Variants in AKAP6 observed in about 807,000 individuals in gnomAD.
AKAP6 encodes A-kinase anchoring protein 6.
A neutral mutation model predicts 188.5 loss-of-function variants in AKAP6; 58 were observed. The ratio of observed to expected loss-of-function variants is 0.31; its 90% CI spans 0.25 to 0.38. The LOEUF (loss-of-function observed/expected upper bound fraction) is 0.38, where lower values mean the gene tolerates loss of function less well. AKAP6 is among the 10% of genes least tolerant of loss of function. The pLI is 1.00. For synonymous variants in AKAP6, 989 were observed against 998.6 expected (o/e 0.99, Z 0.18); for missense variants, 2,710 against 2,740.0 (o/e 0.99, Z 0.24).
At chr14:32,555,446 A>G (rs1436342013) in intron 4 of AKAP6, among the ~76,000 whole-genome samples, 5 of 152,138 alleles carry the variant, frequency 3.3e-5, no homozygotes, top group African/African-American at 1.2e-4. Context: ...AGTTTTCTTT[A>G]TTGTGGTAAA....
chr14:32,556,083 G>GT (rs1455660230), intron 4 of AKAP6, among the ~76,000 whole-genome samples: 1 of 151,840 alleles, frequency 6.6e-6, no homozygotes, highest in African/African-American at 2.4e-5. Context: ...CAGAGTTCCA[G>GT]TTTCCCCACA....
chr14:32,767,196 G>T (rs1184995933), intron 11 of AKAP6, among the ~76,000 whole-genome samples: 1 of 152,036 alleles, frequency 6.6e-6, no homozygotes, highest in Non-Finnish European at 1.5e-5. Flanking sequence ...AGTCTTGATT[G>T]TATGAACATT....
At chr14:32,550,266 G>A (rs574009885) in intron 4 of AKAP6, among the ~76,000 whole-genome samples, 1 of 152,320 alleles carries the variant, frequency 6.6e-6, no homozygotes, top group South Asian at 2.1e-4. Context: ...ATGAGTAGCT[G>A]GTTTGAAGTA....
chr14:32,675,344 G>A (rs75392535), intron 7 of AKAP6, among the ~76,000 whole-genome samples: 7,001 of 152,136 alleles, frequency 0.046, 205 homozygotes, highest in South Asian at 0.07. Flanking sequence ...TATTTTGATG[G>A]TGCATCTTAA....
chr14:32,528,289 G>A (rs902402836), intron 2 of AKAP6, among the ~76,000 whole-genome samples: 3 of 150,352 alleles, frequency 2.0e-5, no homozygotes, highest in African/African-American at 7.4e-5. Flanking sequence ...TCTACCTCTA[G>A]GCTGTCTAGT....
chr14:32,826,522 G>T (rs549830302), intron 13 of AKAP6, among the ~76,000 whole-genome samples: 1 of 152,086 alleles, frequency 6.6e-6, no homozygotes, highest in East Asian at 1.9e-4. Flanking sequence ...TTCTGAAAGG[G>T]GATAAAGGCT....
chr14:32,682,717 G>C (rs1889731063), intron 8 of AKAP6, among the ~76,000 whole-genome samples: 1 of 152,096 alleles, frequency 6.6e-6, no homozygotes, highest in Non-Finnish European at 1.5e-5. Flanking sequence ...GTAGAAAAAA[G>C]CCAGCCTGCC....
At chr14:32,474,902 A>G (rs1427019695) in intron 2 of AKAP6, among the ~76,000 whole-genome samples, 1 of 152,188 alleles carries the variant, frequency 6.6e-6, no homozygotes, top group Non-Finnish European at 1.5e-5. Flanking sequence ...ATTCTAACCT[A>G]CCATTCATTT....
chr14:32,811,580 C>A (rs569036731), intron 12 of AKAP6, among the ~76,000 whole-genome samples: 1 of 152,158 alleles, frequency 6.6e-6, no homozygotes, highest in Non-Finnish European at 1.5e-5. Flanking sequence ...GAAGTGAAGG[C>A]AGTCTTGTGG....
At chr14:32,572,928 T>G (rs1884554187) in intron 4 of AKAP6, among the ~76,000 whole-genome samples, 1 of 152,044 alleles carries the variant, frequency 6.6e-6, no homozygotes, top group Non-Finnish European at 1.5e-5. Flanking sequence ...GACCAGGATT[T>G]CTCCTGGGGG....
At chr14:32,459,216 T>C (rs1451019922) in intron 2 of AKAP6, among the ~76,000 whole-genome samples, 2 of 152,048 alleles carry the variant, frequency 1.3e-5, no homozygotes, top group Non-Finnish European at 2.9e-5. Context: ...TTGCTAGAGA[T>C]TGAATTATGT....
At chr14:32,629,458 G>A (rs1360428126) in intron 7 of AKAP6, among the ~76,000 whole-genome samples, 1 of 129,226 alleles carries the variant, frequency 7.7e-6, no homozygotes, top group Non-Finnish European at 1.7e-5. Flanking sequence ...AGGCAGTCAT[G>A]TTTTTTTTTT....
chr14:32,606,442 C>T (rs559686995), intron 7 of AKAP6, among the ~76,000 whole-genome samples: 4 of 152,222 alleles, frequency 2.6e-5, no homozygotes, highest in East Asian at 3.9e-4. Flanking sequence ...TTTTCACTTA[C>T]GAAGCATGCA....
At chr14:32,447,701 T>C (rs573872360) in intron 2 of AKAP6, among the ~76,000 whole-genome samples, 160 of 152,344 alleles carry the variant, frequency 1.1e-3, no homozygotes, top group Non-Finnish European at 5.0e-4. Flanking sequence ...TTCAAAATTA[T>C]CAGTGTATCA....
chr14:32,489,163 G>A (rs924912178), intron 2 of AKAP6, among the ~76,000 whole-genome samples: 1 of 152,074 alleles, frequency 6.6e-6, no homozygotes, highest in Non-Finnish European at 1.5e-5. Context: ...TTACTATTCA[G>A]GTCTTCCTTT....
At chr14:32,607,909 T>C (rs1469560882) in intron 7 of AKAP6, among the ~76,000 whole-genome samples, 1 of 152,176 alleles carries the variant, frequency 6.6e-6, no homozygotes, top group Admixed American at 6.5e-5. Flanking sequence ...ATAGCCCCTT[T>C]TTTTCGTTAT....
chr14:32,567,363 A>G lies in AKAP6; in HGVS notation c.2347-9757A>G, dbSNP rs150915606. Among the ~76,000 whole-genome samples, 3 of 152,062 alleles carry G rather than the reference A, an allele frequency of 2.0e-5. No individual in the cohort carries two copies. In the East Asian group the frequency reaches 5.8e-4, roughly 29 times the overall value. On this transcript the variant is annotated intron_variant, in intron 4 of 13. Coordinates refer to ENST00000280979, the MANE Select transcript of AKAP6 (RefSeq NM_004274.5). ...TTTCTTTCTCCTTTACCCCTTTCCA[A>G]ACAGATGTGTTTAGATAATACTGTT... is the stretch of plus-strand genomic sequence containing the variant.
chr14:32,597,896 G>C (rs1350767484), intron 5 of AKAP6, among the ~76,000 whole-genome samples: 1 of 151,930 alleles, frequency 6.6e-6, no homozygotes, highest in Non-Finnish European at 1.5e-5. Context: ...TCAGTATTCT[G>C]AACTTTAAAA....
rs543857786 is a variant in AKAP6, at chr14:32,798,977, G to T, written c.3589-22425G>T. ...GAACAGCTGCTGCCACATAGTCAAT[G>T]AATGTTAATTGCTATTATTAGTTTA... On this transcript the variant is annotated intron_variant, in intron 12 of 13. Coordinates refer to ENST00000280979, the MANE Select transcript of AKAP6 (RefSeq NM_004274.5). Among the ~76,000 whole-genome samples, 10 of 152,292 alleles carry T rather than the reference G, an allele frequency of 6.6e-5. No individual in the cohort carries two copies. In the East Asian group the frequency reaches 1.9e-3, roughly 29 times the overall value.
Sources: allele counts gnomAD v4.1 joint callset (sites outside exome capture counted in the v4.1 genomes callset), GRCh38; gene constraint gnomAD v4.1.1; transcripts MANE v1.5; gene names NCBI Gene and HGNC (gene_info 2026-07-23, HGNC 2026-07-21).